Variants in CNOT6L observed in about 807,000 individuals in gnomAD.
CNOT6L encodes the protein CCR4-NOT transcription complex subunit 6-like.
In CNOT6L, 7 loss-of-function variants were observed where a neutral mutation model predicts 64.0. That is an observed-to-expected ratio of 0.11 (90% CI 0.06 to 0.21). The LOEUF is 0.21. CNOT6L is among the 10% of genes least tolerant of loss of function. The pLI, the probability that CNOT6L is intolerant of heterozygous loss-of-function variation, is 1.00. For missense variants in CNOT6L, 245 were observed against 669.0 expected, an observed-to-expected ratio of 0.37 and a Z score of 6.99; for synonymous variants, 193 against 243.4, an observed-to-expected ratio of 0.79 and a Z score of 1.93.
rs1224237932 is a variant in CNOT6L at position 77,719,117 on chromosome 4, G to A, written c.*1314C>T. The A allele has an allele frequency of 6.6e-6, 1 of 152,556 alleles. No individual in the cohort carries two copies. The highest frequency in any genetic ancestry group is 1.5e-5 in the Non-Finnish European group (1 of 68,022). 9.5% of individuals were successfully genotyped at this position (152,556 alleles called of 1,614,324 possible). ...GTTACTGTGCCATAATTAACATCAA[G>A]TAGCCAACCAATTTTTCCCCAGAAA... On this transcript the variant is annotated 3_prime_UTR_variant, in exon 12 of 12. Coordinates refer to ENST00000504123, the MANE Select transcript of CNOT6L (RefSeq NM_144571.3).
intron 1 of CNOT6L, among the ~76,000 whole-genome samples, chr4:77,815,137 A>G (rs1578016144): frequency 6.6e-6 from 1 of 152,234 alleles, no homozygotes; most frequent in South Asian, 2.1e-4. Flanking sequence ...ACCTATCCCA[A>G]TAACAGAGGA....
At chr4:77,818,931 TCA>T (rs1733916431) in intron 1 of CNOT6L, 1 of 612,816 alleles carries the variant, frequency 1.6e-6, no homozygotes, top group African/African-American at 1.9e-5. Context: ...TGTGCCGCAC[TCA>T]CTCAGCCCTC....
Position 77,720,448 on chromosome 4 carries a change from A to G in CNOT6L, c.1651T>C (p.Leu551=). ...PLLPLVNGVH[L]PNRR ...GTACTCCACTACCTCCGATTAGGCA[A>G]GTGAACACCATTGACAAGAGGCAGG... The change falls in exon 12 of 12, where the codon TTG becomes CTG. Residue 551 remains leucine (L), a synonymous_variant. Coordinates refer to ENST00000504123, the MANE Select transcript of CNOT6L (RefSeq NM_144571.3). 3 of 1,613,504 alleles carry G rather than the reference A, an allele frequency of 1.9e-6. No homozygotes were observed. The highest frequency in any genetic ancestry group is 2.5e-6 in the Non-Finnish European group (3 of 1,179,506).
intron 4 of CNOT6L, among the ~76,000 whole-genome samples, chr4:77,771,287 G>A (rs953434948): frequency 6.6e-6 from 1 of 152,070 alleles, no homozygotes; most frequent in Non-Finnish European, 1.5e-5. Flanking sequence ...CCAAGATCAT[G>A]CCATTGCACT....
intron 1 of CNOT6L, among the ~76,000 whole-genome samples, chr4:77,782,117 A>C (rs1327533610): frequency 1.3e-5 from 2 of 152,148 alleles, no homozygotes; most frequent in Non-Finnish European, 2.9e-5. Flanking sequence ...AATCTGTCTT[A>C]TATTGGCATT....
At chr4:77,769,998 T>C (rs905989448) in intron 4 of CNOT6L, among the ~76,000 whole-genome samples, 1 of 152,034 alleles carries the variant, frequency 6.6e-6, no homozygotes, top group Non-Finnish European at 1.5e-5. Context: ...TACTTATGCC[T>C]TTTCTTCATA....
chr4:77,788,190 G>T (rs1204126992), intron 1 of CNOT6L, among the ~76,000 whole-genome samples: 1 of 152,010 alleles, frequency 6.6e-6, no homozygotes, highest in Non-Finnish European at 1.5e-5. Flanking sequence ...AAATGTAAGC[G>T]AACAGTTTTT....
chr4:77,721,585 A>G (rs1721279944), intron 11 of CNOT6L, among the ~76,000 whole-genome samples: 2 of 152,202 alleles, frequency 1.3e-5, no homozygotes, highest in South Asian at 4.1e-4. Flanking sequence ...TTTAATGAAA[A>G]CAAATTTTTT....
intron 1 of CNOT6L, among the ~76,000 whole-genome samples, chr4:77,786,089 T>C (rs1209636915): frequency 6.6e-6 from 1 of 151,998 alleles, no homozygotes; most frequent in African/African-American, 2.4e-5. Flanking sequence ...AAGACCAGCC[T>C]GCCCAACATG....
intron 7 of CNOT6L, 53 bp downstream of exon 7, chr4:77,744,665 T>C: frequency 6.8e-7 from 1 of 1,478,240 alleles, no homozygotes; most frequent in African/African-American, 1.4e-5. Flanking sequence ...GATCTTCTCT[T>C]ATGTTTAAGT....
chr4:77,808,090 T>G (rs1166284416), intron 1 of CNOT6L, among the ~76,000 whole-genome samples: 1 of 151,998 alleles, frequency 6.6e-6, no homozygotes, highest in Non-Finnish European at 1.5e-5. Flanking sequence ...ACAAAAAAAT[T>G]ACAGCAAAAA....
At chr4:77,809,985 CTTAT>C (rs1560440125) in intron 1 of CNOT6L, among the ~76,000 whole-genome samples, 1 of 152,102 alleles carries the variant, frequency 6.6e-6, no homozygotes, top group African/African-American at 2.4e-5. Context: ...TCTCATTTGT[CTTAT>C]TTATTAGACT....
chr4:77,772,575 T>G (rs1227747352), intron 4 of CNOT6L, among the ~76,000 whole-genome samples: 1 of 152,164 alleles, frequency 6.6e-6, no homozygotes, highest in Non-Finnish European at 1.5e-5. Context: ...CTTACAAGTT[T>G]GTTAATATGA....
intron 8 of CNOT6L, among the ~76,000 whole-genome samples, chr4:77,736,156 C>T (rs1316683048): frequency 6.6e-6 from 1 of 152,160 alleles, no homozygotes; most frequent in Non-Finnish European, 1.5e-5. Flanking sequence ...CTAACACTCC[C>T]TTCCACTGCC....
At chr4:77,759,013 C>A (rs940165429) in intron 4 of CNOT6L, among the ~76,000 whole-genome samples, 1 of 151,944 alleles carries the variant, frequency 6.6e-6, no homozygotes, top group African/African-American at 2.4e-5. Flanking sequence ...ACTTCCTCCC[C>A]CTCCGCACCT....
chr4:77,803,021 T>C (rs1180223957), intron 1 of CNOT6L, among the ~76,000 whole-genome samples: 3 of 152,080 alleles, frequency 2.0e-5, no homozygotes, highest in Non-Finnish European at 4.4e-5. Flanking sequence ...AAGAGCAAAG[T>C]CATAAACAAA....
At chr4:77,745,601 T>C (rs906509648) in intron 6 of CNOT6L, among the ~76,000 whole-genome samples, 8 of 152,194 alleles carry the variant, frequency 5.3e-5, no homozygotes, top group Non-Finnish European at 7.3e-5. Context: ...GTGATTCATA[T>C]GCACTTGCAT....
chr4:77,766,502 G>C (rs895115851), intron 4 of CNOT6L, among the ~76,000 whole-genome samples: 1 of 151,224 alleles, frequency 6.6e-6, no homozygotes, highest in Non-Finnish European at 1.5e-5. Context: ...CCTAGAGTCA[G>C]TGCATTAAAA....
intron 1 of CNOT6L, among the ~76,000 whole-genome samples, chr4:77,790,095 T>A (rs573990678): frequency 6.6e-6 from 1 of 152,110 alleles, no homozygotes; most frequent in East Asian, 1.9e-4. Context: ...TGGCAATCAC[T>A]CATCTTTTTG....
Sources: allele counts gnomAD v4.1 joint callset (sites outside exome capture counted in the v4.1 genomes callset), GRCh38; gene constraint gnomAD v4.1.1; transcripts MANE v1.5; gene names NCBI Gene and HGNC (gene_info 2026-07-23, HGNC 2026-07-21).